Variants in SLAIN2 observed in about 807,000 individuals in gnomAD.
The protein encoded by SLAIN2 is SLAIN motif-containing protein 2.
Under a neutral mutation model 56.6 loss-of-function variants are expected in SLAIN2, and 31 were observed. That is an observed-to-expected ratio of 0.55 (90% CI 0.41 to 0.74). SLAIN2 has a LOEUF of 0.74. Among genes scored for constraint, SLAIN2 ranks in the 30% least tolerant of loss-of-function variants. The pLI is 0.00. For synonymous variants in SLAIN2, 317 were observed against 284.9 expected, an observed-to-expected ratio of 1.11 and a Z score of -1.13; for missense variants, 777 against 754.2, an observed-to-expected ratio of 1.03 and a Z score of -0.35.
chr4:48,412,045 A>G (rs1255197384), intron 6 of SLAIN2, among the ~76,000 whole-genome samples: 1 of 152,184 alleles, frequency 6.6e-6, no homozygotes, highest in East Asian at 1.9e-4. Flanking sequence ...TGCCGGTACC[A>G]TCTTTCAAGA....
rs1307197971 is a variant in SLAIN2, at chr4:48,423,282, A to T, written c.*1205A>T. 6.6e-6 allele frequency: 1 copy of T among 151,522 alleles called. No individual in the cohort carries two copies. The highest frequency in any genetic ancestry group is 1.5e-5 in the Non-Finnish European group (1 of 68,008). 9.4% of individuals were successfully genotyped at this position (151,522 alleles called of 1,614,324 possible). A position where few individuals can be genotyped will look rare whatever the true frequency, so the allele number is the denominator to read the frequency against. ...CAATTTTTGCATTTTTGGTAAAAAA[A>T]AAACCCTACTACGTATGACTCTAAC... On this transcript the variant is annotated 3_prime_UTR_variant, in exon 8 of 8. Coordinates refer to ENST00000264313, the MANE Select transcript of SLAIN2 (RefSeq NM_020846.2).
intron 6 of SLAIN2, among the ~76,000 whole-genome samples, chr4:48,412,373 C>CAA (rs1716880723): frequency 8.9e-5 from 6 of 67,142 alleles, no homozygotes; most frequent in Admixed American, 8.7e-4. Context: ...TGTACACACA[C>CAA]ACACACACAC....
chr4:48,394,320 T>A (rs910266093), intron 6 of SLAIN2, among the ~76,000 whole-genome samples: 3 of 152,204 alleles, frequency 2.0e-5, no homozygotes, highest in African/African-American at 7.2e-5. Flanking sequence ...TTTTGACCAA[T>A]AGACATATTG....
At position 48,422,181 on chromosome 4, in the gene SLAIN2, T is replaced by G; in HGVS notation, c.*104T>G. ...ACTGTTCAGATAAGACTCTTGGGAT[T>G]TATAAAATCCCAGCCCTCTCTGTCT... On this transcript the variant is annotated 3_prime_UTR_variant, in exon 8 of 8. Transcript: ENST00000264313. 1.2e-6 allele frequency: 1 copy of G among 849,338 alleles called. No homozygotes were observed. The highest frequency in any genetic ancestry group is 1.9e-6 in the Non-Finnish European group (1 of 530,908). The allele number at this position is 849,338 out of a possible 1,614,324, so 52.6% of individuals were successfully genotyped here.
At chr4:48,398,258 C>CT in intron 6 of SLAIN2, among the ~76,000 whole-genome samples, 1 of 152,204 alleles carries the variant, frequency 6.6e-6, no homozygotes, top group African/African-American at 2.4e-5. Flanking sequence ...TGATGATGCG[C>CT]TTTTTTTCAT....
chr4:48,395,903 T>C (rs945538849), intron 6 of SLAIN2, among the ~76,000 whole-genome samples: 1 of 136,250 alleles, frequency 7.3e-6, no homozygotes, highest in African/African-American at 2.8e-5. Context: ...CTGAAAACAC[T>C]GTGGTATCTA....
At chr4:48,413,491 C>T (rs185378069) in intron 6 of SLAIN2, among the ~76,000 whole-genome samples, 6 of 152,242 alleles carry the variant, frequency 3.9e-5, no homozygotes, top group African/African-American at 1.4e-4. Flanking sequence ...TTTAATTCAT[C>T]TTTTTGTTCT....
At chr4:48,349,784 A>G (rs1233220315) in intron 1 of SLAIN2, among the ~76,000 whole-genome samples, 3 of 152,230 alleles carry the variant, frequency 2.0e-5, no homozygotes, top group Non-Finnish European at 2.9e-5. Flanking sequence ...GTAAGATTAT[A>G]TATCACAGAT....
At chr4:48,372,051 CAT>C (rs35913175) in intron 2 of SLAIN2, among the ~76,000 whole-genome samples, 49,552 of 147,566 alleles carry the variant, frequency 0.34, 8,368 homozygotes, top group South Asian at 0.5. Flanking sequence ...TACATATATA[CAT>C]ATATATATAT....
In SLAIN2 at chr4:48,420,399, G is replaced by C; in HGVS notation, c.1635G>C (p.Gly545=). 1.2e-6 allele frequency: 2 copies of C among 1,613,980 alleles called. No homozygotes were observed. The highest frequency in any genetic ancestry group is 1.3e-5 in the African/African-American group (1 of 75,066). The change falls in exon 7 of 8, where the codon GGG becomes GGC. Residue 545 remains glycine (G), a synonymous_variant. Transcript: ENST00000264313. ...GLPRPSAPSA[G]GIPVPRSKLA... ...CCAGACCCAGTGCCCCTTCTGCTGGGGGCATACCAGTGCCTCGCAGCAAAC... is the reference window on the plus strand; with the variant it reads ...CCAGACCCAGTGCCCCTTCTGCTGGCGGCATACCAGTGCCTCGCAGCAAAC...
At chr4:48,394,781 T>C (rs1716335898) in intron 6 of SLAIN2, 1 of 671,578 alleles carries the variant, frequency 1.5e-6, no homozygotes, top group South Asian at 2.3e-5. Flanking sequence ...AATAATAAAA[T>C]AATGAGGATT....
chr4:48,416,873 T>C (rs1717009772), intron 6 of SLAIN2, among the ~76,000 whole-genome samples: 2 of 128,050 alleles, frequency 1.6e-5, no homozygotes, highest in Non-Finnish European at 3.2e-5. Flanking sequence ...GGGAAATTTA[T>C]AGCACTAAAT....
rs1308015543 is a variant in SLAIN2 at position 48,341,799 on chromosome 4, G to C, written c.60G>C (p.Leu20=). 26 of 1,531,442 alleles carry C rather than the reference G, an allele frequency of 1.7e-5. No individual in the cohort carries two copies. Among genetic ancestry groups the C allele is most frequent in the Non-Finnish European group, 2.2e-5 (25 of 1,139,328 alleles). 94.9% of individuals were successfully genotyped at this position (1,531,442 alleles called of 1,614,324 possible). ...AGGAGGTGCGGAAGCTGCAGGAGCT[G>C]GTGAAGAAGCTGGAGAAGCAGAACG... ...ADQEVRKLQE[L]VKKLEKQNEQ... The change falls in exon 1 of 8, where the codon CTG becomes CTC. Residue 20 remains leucine, a synonymous_variant. Coordinates refer to ENST00000264313, the MANE Select transcript of SLAIN2 (RefSeq NM_020846.2).
chr4:48,382,841 A>G lies in SLAIN2; in HGVS notation c.1136A>G (p.Gln379Arg). 4 of 1,613,842 alleles carry G rather than the reference A, an allele frequency of 2.5e-6. No homozygotes were observed. The highest frequency in any genetic ancestry group is 3.4e-6 in the Non-Finnish European group (4 of 1,179,878). ...RGIEYSRVSP[Q>R]PMISRLQQPR... The stretch of plus-strand genomic sequence containing the variant: ...ATAGAATATAGTAGAGTGTCCCCAC[A>G]GCCTATGATTAGCCGCTTACAGCAA... Residue 379 changes from glutamine to arginine, a missense_variant, in exon 5 of 8, where the codon CAG (glutamine) becomes CGG (arginine). Coordinates refer to ENST00000264313, the MANE Select transcript of SLAIN2 (RefSeq NM_020846.2).
intron 2 of SLAIN2, among the ~76,000 whole-genome samples, chr4:48,377,185 T>A (rs6829457): frequency 0.44 from 66,771 of 150,468 alleles, 15,296 homozygotes; most frequent in African/African-American, 0.55. Flanking sequence ...TACAAAAAAA[T>A]ATATATATAT....
At chr4:48,347,222 G>A (rs1044299849) in intron 1 of SLAIN2, among the ~76,000 whole-genome samples, 5 of 150,342 alleles carry the variant, frequency 3.3e-5, no homozygotes, top group Admixed American at 6.6e-5. Flanking sequence ...ACAGCAGTCC[G>A]CAACCTTTTT....
At chr4:48,378,425 G>C (rs1180055860) in intron 3 of SLAIN2, among the ~76,000 whole-genome samples, 1 of 152,168 alleles carries the variant, frequency 6.6e-6, no homozygotes, top group African/African-American at 2.4e-5. Flanking sequence ...AATAAACTTT[G>C]ATACTGCAGC....
At chr4:48,381,141 C>A (rs1715960160) in intron 4 of SLAIN2, among the ~76,000 whole-genome samples, 1 of 152,138 alleles carries the variant, frequency 6.6e-6, no homozygotes, top group Non-Finnish European at 1.5e-5. Context: ...CAAGTTCTCT[C>A]ATTTCTTTGA....
chr4:48,360,153 CAAA>C (rs34874508), intron 1 of SLAIN2, among the ~76,000 whole-genome samples: 1 of 119,680 alleles, frequency 8.4e-6, no homozygotes, highest in African/African-American at 3.4e-5. Flanking sequence ...GACTCTGTCT[CAAA>C]AAAAAAAAAA....
Sources: allele counts gnomAD v4.1 joint callset (sites outside exome capture counted in the v4.1 genomes callset), GRCh38; gene constraint gnomAD v4.1.1; transcripts MANE v1.5; gene names NCBI Gene and HGNC (gene_info 2026-07-23, HGNC 2026-07-21).